Variants in SLC9A3 observed in about 807,000 individuals in gnomAD.
SLC9A3 encodes the protein sodium/hydrogen exchanger 3.
Under a neutral mutation model 86.8 loss-of-function variants are expected in SLC9A3, and 37 were observed. The ratio of observed to expected loss-of-function variants is 0.43; its 90% CI spans 0.33 to 0.56. SLC9A3 has a LOEUF of 0.56. Ranked by LOEUF, SLC9A3 falls within the 20% of genes least tolerant of loss-of-function variation. The probability of loss-of-function intolerance (pLI) is 0.06; values close to 1 mark genes in which losing one functional copy is unlikely to be tolerated. For missense variants in SLC9A3, 1,011 were observed against 1,171.9 expected, an observed-to-expected ratio of 0.86 and a Z score of 2.00; for synonymous variants, 581 against 528.3, an observed-to-expected ratio of 1.10 and a Z score of -1.37.
rs766583286 is a variant in SLC9A3 at position 483,376 on chromosome 5, C to T, written c.1039G>A (p.Glu347Lys). 10 of 1,571,640 alleles carry T rather than the reference C, an allele frequency of 6.4e-6. No individual in the cohort carries two copies. The highest frequency in any genetic ancestry group is 2.4e-5 in the East Asian group (1 of 42,280). ...CCCAGGAACATGAAGATGATGGTCT[C>T]GGCGCTGCTGGCCAGCATCTTCATG... ...YTMKMLASSA[E>K]TIIFMFLGIS... is the part of the protein sequence containing the mutation. The change falls in exon 6 of 17, where the codon GAG becomes AAG. Residue 347 changes from glutamate (E) to lysine (K), a missense_variant. Physicochemically the swap from Glu to Lys is moderately conservative, Grantham distance 56 (BLOSUM62 1). Coordinates refer to ENST00000264938, the MANE Select transcript of SLC9A3 (RefSeq NM_004174.4).
intron 11 of SLC9A3, 94 bp from the exon 12 acceptor site, chr5:476,766 C>G: frequency 2.0e-6 from 3 of 1,489,584 alleles, no homozygotes; most frequent in Non-Finnish European, 2.7e-6. Flanking sequence ...CTGGCCCTGG[C>G]TGCCTCCTGC....
intron 9 of SLC9A3, among the ~76,000 whole-genome samples, chr5:481,038 C>CCT: frequency 6.6e-6 from 1 of 152,136 alleles, no homozygotes; most frequent in African/African-American, 2.4e-5. Flanking sequence ...TACAGGCCCA[C>CCT]GCCACCACCC....
chr5:482,186 GC>G, intron 7 of SLC9A3, 29 bp from the exon 8 acceptor site: 1 of 1,536,310 alleles, frequency 6.5e-7, no homozygotes, highest in African/African-American at 1.4e-5. Context: ...TGACCCTGGT[GC>G]CAGGCAGCCC....
intron 7 of SLC9A3, 87 bp downstream of exon 7, chr5:482,461 G>A: frequency 2.6e-6 from 3 of 1,140,210 alleles, no homozygotes; most frequent in Non-Finnish European, 2.5e-6. Flanking sequence ...AGGGTCTGGA[G>A]CCTGGAAATG....
rs762355973 is a variant in SLC9A3 at position 476,082 on chromosome 5, C to G, written c.2078G>C (p.Ser693Thr). 11 of 1,613,326 alleles carry G rather than the reference C, an allele frequency of 6.8e-6. No individual in the cohort carries two copies. In the East Asian group the frequency reaches 2.2e-4, roughly 33 times the overall value. Residue 693 changes from serine (S) to threonine (T), a missense_variant, in exon 14 of 17, where the codon AGC (serine) becomes ACC (threonine). By Grantham distance (58) the Ser-to-Thr change is moderately conservative (BLOSUM62 1). This residue lies in a region of SLC9A3 where 397 missense variants were observed against 346.3 expected (regional missense o/e 1.15). Coordinates refer to ENST00000264938, the MANE Select transcript of SLC9A3 (RefSeq NM_004174.4). Reference protein sequence around the residue: ...RERAQKRRNSSIPNGKLPMES... With the variant: ...RERAQKRRNSTIPNGKLPMES... Reference sequence around the variant, plus strand: ...CATGGGCAGCTTCCCATTGGGGATGCTGCTGTTTCTCTGCGGAGCAAACGT... The same window carrying G: ...CATGGGCAGCTTCCCATTGGGGATGGTGCTGTTTCTCTGCGGAGCAAACGT...
In SLC9A3 at chr5:491,692, C is replaced by T. The variant is rs575853915; in HGVS notation, c.514+77G>A. On this transcript the variant is annotated intron_variant, in intron 2 of 16. Transcript: ENST00000264938. The surrounding 1 kb of genome is among the most constrained non-coding windows in gnomAD (Gnocchi z 9.2). ...GGAGGCCAGGGTGCGGCACCCCGAC[C>T]TTTCTGAGATGAGGCAGCGCCGCCC... 7 of 1,353,810 alleles carry T rather than the reference C, an allele frequency of 5.2e-6. No homozygotes were observed. In the Admixed American group the frequency reaches 1.9e-4, roughly 36 times the overall value. The allele number at this position is 1,353,810 out of a possible 1,614,324, so 83.9% of individuals were successfully genotyped here.
intron 1 of SLC9A3, among the ~76,000 whole-genome samples, chr5:492,813 T>C (rs1739847672): frequency 6.6e-6 from 1 of 152,142 alleles, no homozygotes; most frequent in Admixed American, 6.5e-5. Context: ...TGAGGCTGGC[T>C]GTGTTTCAGA....
At chr5:480,063 T>C (rs916214445) in intron 9 of SLC9A3, 98 bp from the exon 10 acceptor site, 1 of 1,399,750 alleles carries the variant, frequency 7.1e-7, no homozygotes, top group Non-Finnish European at 9.8e-7. Flanking sequence ...TTTTGTTTGC[T>C]ATAGTGACCC....
chr5:493,388 G>A (rs952120931), intron 1 of SLC9A3, among the ~76,000 whole-genome samples: 2 of 152,266 alleles, frequency 1.3e-5, no homozygotes, highest in African/African-American at 2.4e-5. Flanking sequence ...CACAGCTGGA[G>A]GGGCGGTGGA....
Position 484,670 on chromosome 5 carries a change from C to A in SLC9A3, c.782G>T (p.Gly261Val). ...GGCGAAGACCACCCCCACCAGCGTG[C>A]CCCCCAGGCTCACCACGAAGAAGGA... ...IVSFFVVSLGGTLVGVVFAFL... is the reference protein window; with the variant it reads ...IVSFFVVSLGVTLVGVVFAFL... The change falls in exon 5 of 17, where the codon GGC (glycine) becomes GTC (valine). Residue 261 changes from glycine (G) to valine (V), a missense_variant. Around this residue, in one of 3 missense-constraint regions of SLC9A3, gnomAD observed 565 missense variants for 790.0 expected, o/e 0.72. Coordinates refer to ENST00000264938, the MANE Select transcript of SLC9A3 (RefSeq NM_004174.4). The A allele has an allele frequency of 1.9e-6, 3 of 1,612,806 alleles. No homozygotes were observed. Among genetic ancestry groups the A allele is most frequent in the Non-Finnish European group, 2.5e-6 (3 of 1,179,770 alleles).
At chr5:521,740 G>A (rs1425556071) in intron 1 of SLC9A3, among the ~76,000 whole-genome samples, 6 of 152,182 alleles carry the variant, frequency 3.9e-5, no homozygotes. Flanking sequence ...CTTGGGCCCC[G>A]GTGTCTGTGA....
Position 475,637 on chromosome 5 carries a change from G to T in SLC9A3, c.2175C>A (p.Asn725Lys), listed in dbSNP as rs1738676809. 2 of 1,551,830 alleles carry T rather than the reference G, an allele frequency of 1.3e-6. No homozygotes were observed. The highest frequency in any genetic ancestry group is 1.4e-5 in the African/African-American group (1 of 73,074). ...LELSDTEEPP[N>K]YDEEMSGGIE... The stretch of plus-strand genomic sequence containing the variant: ...TCCCCCCACTCATCTCCTCATCATA[G>T]TTGGGGGGCTCCTCGGTGTCTGAAA... Residue 725 changes from asparagine (N) to lysine (K), a missense_variant, in exon 15 of 17, where the codon AAC becomes AAA. Physicochemically the swap from Asn to Lys is moderately conservative, Grantham distance 94 (BLOSUM62 0). Coordinates refer to ENST00000264938, the MANE Select transcript of SLC9A3 (RefSeq NM_004174.4).
In SLC9A3 at chr5:476,383, G is replaced by A. The variant is rs1560949189; in HGVS notation, c.1891-5C>T. 8.7e-6 allele frequency: 14 copies of A among 1,613,470 alleles called. No homozygotes were observed. The highest frequency in any genetic ancestry group is 1.2e-5 in the Non-Finnish European group (14 of 1,179,922). ...TCGGCTGTACAGATGCTTGTACTGC[G>A]GGATCAGGCACGGAGGTCACAGCTG... On this transcript the variant is annotated splice_region_variant and splice_polypyrimidine_tract_variant and intron_variant, in intron 12 of 16. Transcript: ENST00000264938.
intron 12 of SLC9A3, 21 bp downstream of exon 12, chr5:476,522 C>G: frequency 6.2e-7 from 1 of 1,608,004 alleles, no homozygotes; most frequent in Non-Finnish European, 8.5e-7. Flanking sequence ...GGTCCTCCAG[C>G]CCCCAGCCCG....
At position 475,001 on chromosome 5, in the gene SLC9A3, G is replaced by A. The variant is rs1208508793; in HGVS notation, c.2383C>T (p.Pro795Ser). The A allele has an allele frequency of 1.9e-6, 3 of 1,612,358 alleles. No individual in the cohort carries two copies. Among genetic ancestry groups the A allele is most frequent in the Non-Finnish European group, 2.5e-6 (3 of 1,179,766 alleles). ...GGCATCAGGCGGCAGAAGGTGCCGG[G>A]AGAGTAGGGAATCTGCGTGCGGGCC... is the stretch of plus-strand genomic sequence containing the variant. ...QRARTQIPYS[P>S]GTFCRLMPFR... Residue 795 changes from proline to serine, a missense_variant, in exon 16 of 17, where the codon CCC (proline) becomes TCC (serine). Around this residue, in one of 3 missense-constraint regions of SLC9A3, gnomAD observed 397 missense variants for 346.3 expected, o/e 1.15. Transcript: ENST00000264938.
Position 471,783 on chromosome 5 carries a change from G to T in SLC9A3, c.*1596C>A, listed in dbSNP as rs1323218514. On this transcript the variant is annotated 3_prime_UTR_variant, in exon 17 of 17. Transcript: ENST00000264938. ...TGCAGTTAGGGTCGAGAGCTTCTCC[G>T]AAGCAGCGGTCATGCAGGCTTTTGT... The T allele has an allele frequency of 2.2e-6, 1 of 456,402 alleles. No homozygotes were observed. The highest frequency in any genetic ancestry group is 1.5e-5 in the South Asian group (1 of 64,574). 28.3% of individuals were successfully genotyped at this position (456,402 alleles called of 1,614,324 possible). A position where few individuals can be genotyped will look rare whatever the true frequency, so the allele number is the denominator to read the frequency against.
intron 1 of SLC9A3, among the ~76,000 whole-genome samples, chr5:505,682 G>A (rs1181357536): frequency 9.1e-5 from 1 of 11,000 alleles, no homozygotes; most frequent in South Asian, 4.5e-3. Context: ...GAGTGACCAC[G>A]GGGGGAGAGT....
At chr5:484,756 G>T (rs1271653802) in intron 4 of SLC9A3, 59 bp from the exon 5 acceptor site, 1 of 1,557,230 alleles carries the variant, frequency 6.4e-7, no homozygotes, top group South Asian at 1.1e-5. Context: ...CTTGCCAGGG[G>T]CCGCCTGGTG....
chr5:482,046 C>A lies in SLC9A3; in HGVS notation c.1446+22G>T, dbSNP rs778940046. The A allele has an allele frequency of 1.6e-5, 11 of 701,608 alleles. 2 individuals are homozygous for A. Among genetic ancestry groups the A allele is most frequent in the Admixed American group, 2.4e-5 (1 of 41,440 alleles). The allele number at this position is 701,608 out of a possible 1,614,324, so 43.5% of individuals were successfully genotyped here. On this transcript the variant is annotated intron_variant, in intron 8 of 16. Coordinates refer to ENST00000264938, the MANE Select transcript of SLC9A3 (RefSeq NM_004174.4). ...CGAGGAACACGCAGTGCCCCCCCCCCGCCCCCCAGCCCCGCACTTACGCGC... is the reference window on the plus strand; with the variant it reads ...CGAGGAACACGCAGTGCCCCCCCCCAGCCCCCCAGCCCCGCACTTACGCGC...
Sources: allele counts gnomAD v4.1 joint callset (sites outside exome capture counted in the v4.1 genomes callset), GRCh38; gene constraint gnomAD v4.1.1; regional missense constraint gnomAD v4.1.1; non-coding constraint Gnocchi (gnomAD v3.1); transcripts MANE v1.5; gene names NCBI Gene and HGNC (gene_info 2026-07-23, HGNC 2026-07-21).